PEX5L: variants seen among roughly 807,000 people sequenced by gnomAD.
The protein encoded by PEX5L is peroxisomal biogenesis factor 5 like, also known as PEX5-related protein.
PEX5L carries 30 observed loss-of-function variants against 84.0 expected under a neutral mutation model. That is an observed-to-expected ratio of 0.36 (90% CI 0.27 to 0.48). The LOEUF (loss-of-function observed/expected upper bound fraction) is 0.48. Among genes scored for constraint, PEX5L ranks in the 20% least tolerant of loss-of-function variants. PEX5L has a pLI of 0.99. For missense variants in PEX5L, 533 were observed against 754.6 expected (o/e 0.71, Z 3.44); for synonymous variants, 270 against 283.1 (o/e 0.95, Z 0.46).
chr3:179,965,767 C>G (rs1004517380), intron 2 of PEX5L, among the ~76,000 whole-genome samples: 1 of 152,016 alleles, frequency 6.6e-6, no homozygotes, highest in Non-Finnish European at 1.5e-5. Flanking sequence ...AAGGAAAATA[C>G]AAAGTAAGAT....
intron 8 of PEX5L, among the ~76,000 whole-genome samples, chr3:179,857,534 G>A (rs536550664): frequency 1.3e-5 from 2 of 152,112 alleles, no homozygotes; most frequent in Non-Finnish European, 2.9e-5. Context: ...GACTTCTAAG[G>A]TCTCTATCAA....
intron 7 of PEX5L, among the ~76,000 whole-genome samples, chr3:179,874,116 C>T (rs372505890): frequency 8.5e-4 from 123 of 144,304 alleles, no homozygotes; most frequent in African/African-American, 3.0e-3. Flanking sequence ...ATTTTCCAGC[C>T]AAATGTGTAG....
intron 8 of PEX5L, among the ~76,000 whole-genome samples, chr3:179,821,280 T>C (rs1174544265): frequency 6.6e-6 from 1 of 152,234 alleles, no homozygotes; most frequent in Non-Finnish European, 1.5e-5. Flanking sequence ...CTTGAACACC[T>C]GAATCTGGGA....
intron 1 of PEX5L, among the ~76,000 whole-genome samples, chr3:179,978,142 T>C (rs911477329): frequency 2.6e-5 from 4 of 152,212 alleles, no homozygotes; most frequent in African/African-American, 7.2e-5. Context: ...AGTTACTAAC[T>C]AGCTGGATAA....
chr3:179,992,956 T>A (rs1035338311), intron 1 of PEX5L, among the ~76,000 whole-genome samples: 3 of 152,096 alleles, frequency 2.0e-5, no homozygotes, highest in Non-Finnish European at 4.4e-5. Flanking sequence ...ATAACTTAGT[T>A]TTTAGGTGAT....
intron 1 of PEX5L, among the ~76,000 whole-genome samples, chr3:179,980,811 G>A (rs1786256192): frequency 6.6e-6 from 1 of 152,120 alleles, no homozygotes; most frequent in Non-Finnish European, 1.5e-5. Flanking sequence ...GGAGGCTGAG[G>A]TCAGGAGTTC....
intron 2 of PEX5L, among the ~76,000 whole-genome samples, chr3:179,921,300 T>G (rs751635334): frequency 3.3e-5 from 5 of 152,068 alleles, no homozygotes; most frequent in Non-Finnish European, 5.9e-5. Context: ...CTTTCCACAT[T>G]AGCCAATAGC....
intron 9 of PEX5L, 102 bp downstream of exon 9, chr3:179,819,758 A>T: frequency 1.0e-6 from 1 of 986,284 alleles, no homozygotes; most frequent in Non-Finnish European, 1.6e-6. Context: ...TTGTCTTTTT[A>T]ATTACTGTGT....
chr3:179,874,307 T>G lies in PEX5L; in HGVS notation c.726+20A>C. 1 of 1,354,572 alleles carries G rather than the reference T, an allele frequency of 7.4e-7. No individual in the cohort carries two copies. The highest frequency in any genetic ancestry group is 1.7e-5 in the Admixed American group (1 of 59,164). The allele number at this position is 1,354,572 out of a possible 1,614,324, so 83.9% of individuals were successfully genotyped here. A position where few individuals can be genotyped will look rare whatever the true frequency, so the allele number is the denominator to read the frequency against. Reference sequence around the variant, plus strand: ...TATATATAGGGAAAGATGTGTTCATTGAATAATCAGTTTTGTTACCTGAGT... The same window carrying G: ...TATATATAGGGAAAGATGTGTTCATGGAATAATCAGTTTTGTTACCTGAGT... On this transcript the variant is annotated intron_variant, in intron 7 of 14. Transcript: ENST00000467460.
chr3:180,002,051 T>A (rs2110426235), intron 1 of PEX5L, among the ~76,000 whole-genome samples: 1 of 152,324 alleles, frequency 6.6e-6, no homozygotes, highest in East Asian at 1.9e-4. Flanking sequence ...ACCACCTAAA[T>A]CCATCTTCAT....
intron 8 of PEX5L, among the ~76,000 whole-genome samples, chr3:179,849,615 A>G (rs1740995711): frequency 6.6e-6 from 1 of 152,254 alleles, no homozygotes; most frequent in East Asian, 1.9e-4. Context: ...ACTACTTGCA[A>G]GCTACTGTCC....
chr3:179,934,851 A>G (rs1488234695), intron 2 of PEX5L, among the ~76,000 whole-genome samples: 1 of 152,182 alleles, frequency 6.6e-6, no homozygotes, highest in Non-Finnish European at 1.5e-5. Flanking sequence ...ATGTATTTTA[A>G]AAAGCATTTT....
At chr3:179,991,514 T>C (rs967988045) in intron 1 of PEX5L, among the ~76,000 whole-genome samples, 33 of 152,230 alleles carry the variant, frequency 2.2e-4, no homozygotes, top group South Asian at 8.3e-4. Flanking sequence ...TCCTTTTTTT[T>C]CCCCCTCTAC....
At chr3:179,942,079 T>C (rs1776295225) in intron 2 of PEX5L, among the ~76,000 whole-genome samples, 3 of 151,852 alleles carry the variant, frequency 2.0e-5, no homozygotes, top group Admixed American at 1.3e-4. Context: ...AAAAGGTTGA[T>C]TGGAGGAAGA....
At chr3:179,858,450 T>C (rs1313002095) in intron 8 of PEX5L, among the ~76,000 whole-genome samples, 2 of 151,960 alleles carry the variant, frequency 1.3e-5, no homozygotes, top group Non-Finnish European at 2.9e-5. Flanking sequence ...CTCTTCCCTT[T>C]TCTCTCTCTC....
chr3:180,026,169 G>A (rs1050836035), intron 1 of PEX5L, among the ~76,000 whole-genome samples: 7 of 137,568 alleles, frequency 5.1e-5, no homozygotes, highest in Non-Finnish European at 1.1e-4. Context: ...TTTGGGAATA[G>A]GCAATTAATT....
intron 2 of PEX5L, among the ~76,000 whole-genome samples, chr3:179,917,459 C>T (rs1489575061): frequency 6.6e-6 from 1 of 151,896 alleles, no homozygotes; most frequent in Non-Finnish European, 1.5e-5. Flanking sequence ...ATGTGCTGTA[C>T]ATTATTGCAG....
At chr3:179,898,631 A>G (rs536943936) in intron 2 of PEX5L, among the ~76,000 whole-genome samples, 9 of 152,244 alleles carry the variant, frequency 5.9e-5, no homozygotes, top group African/African-American at 2.2e-4. Flanking sequence ...GAATGACAGG[A>G]GTTTGGGATA....
intron 7 of PEX5L, among the ~76,000 whole-genome samples, chr3:179,868,002 C>G (rs1215359770): frequency 6.7e-6 from 1 of 149,876 alleles, no homozygotes; most frequent in African/African-American, 2.4e-5. Context: ...TAGTTAAGAA[C>G]AAATGCTTTA....
Sources: gnomAD v4.1 joint callset for allele counts (sites outside exome capture counted in the v4.1 genomes callset) on GRCh38, gnomAD v4.1.1 for gene constraint, MANE v1.5 for transcripts, NCBI Gene and HGNC (gene_info 2026-07-23, HGNC 2026-07-21) for gene names.